Variants in RAB8B observed in about 807,000 individuals in gnomAD.
RAB8B encodes ras-related protein Rab-8B.
Under a neutral mutation model 32.0 loss-of-function variants are expected in RAB8B, and 11 were observed. That is an observed-to-expected ratio of 0.34 (90% CI 0.22 to 0.57). RAB8B has a LOEUF of 0.57. Among genes scored for constraint, RAB8B ranks in the 20% least tolerant of loss-of-function variants. RAB8B has a pLI of 0.86. For missense variants in RAB8B, 190 were observed against 258.5 expected (o/e 0.73, Z 1.82); for synonymous variants, 103 against 89.6 (o/e 1.15, Z -0.85).
rs1277149749 is a variant in RAB8B at position 63,263,680 on chromosome 15, A to G, written c.*61A>G. On this transcript the variant is annotated 3_prime_UTR_variant, in exon 8 of 8. Transcript: ENST00000321437. ...GGCCCTTTCCTGCTTCTCTGAAAGC[A>G]CAGGTCACCCAGCCTCAGAATCACA... is the stretch of plus-strand genomic sequence containing the variant. The G allele has an allele frequency of 7.3e-7, 1 of 1,363,508 alleles. No individual in the cohort carries two copies. The highest frequency in any genetic ancestry group is 1.4e-5 in the African/African-American group (1 of 69,574). 84.5% of individuals were successfully genotyped at this position (1,363,508 alleles called of 1,614,324 possible).
intron 1 of RAB8B, among the ~76,000 whole-genome samples, chr15:63,212,137 A>T (rs970492225): frequency 6.6e-6 from 1 of 152,142 alleles, no homozygotes; most frequent in Non-Finnish European, 1.5e-5. Flanking sequence ...CTGGCCTAAA[A>T]GCCCCATCTT....
intron 1 of RAB8B, among the ~76,000 whole-genome samples, chr15:63,234,344 A>G (rs1212252276): frequency 6.6e-6 from 1 of 152,206 alleles, no homozygotes; most frequent in Non-Finnish European, 1.5e-5. Context: ...ATTCTCTTGA[A>G]ACAGAAAAGA....
Position 63,259,549 on chromosome 15 carries a change from G to T in RAB8B, c.415-78G>T. The T allele has an allele frequency of 7.5e-7, 1 of 1,339,180 alleles. No individual in the cohort carries two copies. Among genetic ancestry groups the T allele is most frequent in the South Asian group, 1.2e-5 (1 of 80,774 alleles). 83.0% of individuals were successfully genotyped at this position (1,339,180 alleles called of 1,614,324 possible). A position where few individuals can be genotyped will look rare whatever the true frequency, so the allele number is the denominator to read the frequency against. ...ATAGATACCCTACCTTTGAGACTTT[G>T]AAAAACCTAAGAAATACAAATGCAT... On this transcript the variant is annotated intron_variant, in intron 5 of 7. Coordinates refer to ENST00000321437, the MANE Select transcript of RAB8B (RefSeq NM_016530.3). The surrounding 1 kb of genome is among the most constrained non-coding windows in gnomAD (Gnocchi z 4.4).
At chr15:63,229,157 A>G (rs1162954309) in intron 1 of RAB8B, among the ~76,000 whole-genome samples, 2 of 152,230 alleles carry the variant, frequency 1.3e-5, no homozygotes, top group African/African-American at 2.4e-5. Context: ...ATAAGACACA[A>G]AGCCTTCAGT....
intron 1 of RAB8B, among the ~76,000 whole-genome samples, chr15:63,209,547 C>T (rs1477936678): frequency 6.6e-6 from 1 of 151,972 alleles, no homozygotes; most frequent in Non-Finnish European, 1.5e-5. Flanking sequence ...GCCGAGATCA[C>T]ACCACTGCAC....
chr15:63,193,039 A>G (rs1249773507), intron 1 of RAB8B, among the ~76,000 whole-genome samples: 2 of 152,156 alleles, frequency 1.3e-5, no homozygotes, highest in Non-Finnish European at 1.5e-5. Flanking sequence ...TCTGGGCAAC[A>G]TAGCAAGACC....
At chr15:63,250,254 T>G (rs1249848743) in intron 3 of RAB8B, among the ~76,000 whole-genome samples, 1 of 152,246 alleles carries the variant, frequency 6.6e-6, no homozygotes, top group African/African-American at 2.4e-5. Context: ...CCACACATTC[T>G]GATGTGATTG....
intron 3 of RAB8B, 71 bp downstream of exon 3, chr15:63,249,776 T>C: frequency 1.4e-6 from 2 of 1,470,076 alleles, no homozygotes; most frequent in South Asian, 1.2e-5. Flanking sequence ...GCCAAGATTA[T>C]AGGATTCAAG....
intron 1 of RAB8B, among the ~76,000 whole-genome samples, chr15:63,208,163 C>T (rs1039016957): frequency 6.6e-6 from 1 of 152,180 alleles, no homozygotes; most frequent in Admixed American, 6.5e-5. Flanking sequence ...ATTCCAAACT[C>T]CCTACAGTGT....
At chr15:63,218,076 ATG>A (rs1306449224) in intron 1 of RAB8B, among the ~76,000 whole-genome samples, 2 of 151,768 alleles carry the variant, frequency 1.3e-5, no homozygotes, top group Admixed American at 1.3e-4. Flanking sequence ...TGCTCCATGT[ATG>A]TTGTACATGT....
At chr15:63,199,461 C>G (rs976869828) in intron 1 of RAB8B, among the ~76,000 whole-genome samples, 9 of 152,142 alleles carry the variant, frequency 5.9e-5, no homozygotes, top group African/African-American at 2.2e-4. Flanking sequence ...GTTGCATTCC[C>G]TATTTTGTCT....
chr15:63,216,381 A>T (rs1197857639), intron 1 of RAB8B, among the ~76,000 whole-genome samples: 1 of 151,252 alleles, frequency 6.6e-6, no homozygotes, highest in Non-Finnish European at 1.5e-5. Context: ...GGCGCACACC[A>T]TAACACCCGG....
At chr15:63,224,466 A>T (rs1350984040) in intron 1 of RAB8B, among the ~76,000 whole-genome samples, 1 of 152,146 alleles carries the variant, frequency 6.6e-6, no homozygotes, top group Non-Finnish European at 1.5e-5. Flanking sequence ...GATGGATTTC[A>T]ATCATATGAG....
chr15:63,242,995 G>A (rs748312437), intron 1 of RAB8B, among the ~76,000 whole-genome samples: 10 of 152,152 alleles, frequency 6.6e-5, no homozygotes, highest in South Asian at 2.1e-4. Context: ...TAGAATCAGC[G>A]GGAGCTGTGA....
At chr15:63,206,031 A>G (rs2037695323) in intron 1 of RAB8B, among the ~76,000 whole-genome samples, 1 of 152,198 alleles carries the variant, frequency 6.6e-6, no homozygotes, top group Non-Finnish European at 1.5e-5. Flanking sequence ...GGCACACAGT[A>G]TCTGTTTGTG....
chr15:63,204,532 A>G (rs1287811823), intron 1 of RAB8B, among the ~76,000 whole-genome samples: 1 of 152,220 alleles, frequency 6.6e-6, no homozygotes, highest in Non-Finnish European at 1.5e-5. Flanking sequence ...AGGGCCCTGA[A>G]TTTTAAGTAC....
At position 63,216,575 on chromosome 15, in the gene RAB8B, A is replaced by T. The variant is rs552421078; in HGVS notation, c.124+26827A>T. The stretch of plus-strand genomic sequence containing the variant: ...CAGTACCACTGATTTAAAAGTTCTG[A>T]CTTGTGGCTTGTCTCGGTGGCTCAC... On this transcript the variant is annotated intron_variant, in intron 1 of 7. Coordinates refer to ENST00000321437, the MANE Select transcript of RAB8B (RefSeq NM_016530.3). Among the ~76,000 whole-genome samples the T allele has an allele frequency of 7.2e-4, 108 of 149,232 alleles. 1 individual carries two copies. Among genetic ancestry groups the T allele is most frequent in the Middle Eastern group, 6.8e-3 (2 of 294 alleles).
chr15:63,244,061 TCTTAGTA>T (rs1177167531), intron 1 of RAB8B, among the ~76,000 whole-genome samples: 1 of 152,220 alleles, frequency 6.6e-6, no homozygotes, highest in Non-Finnish European at 1.5e-5. Flanking sequence ...AGGTCCCACC[TCTTAGTA>T]CTTAGTATCT....
At chr15:63,203,382 T>C (rs561106755) in intron 1 of RAB8B, among the ~76,000 whole-genome samples, 1 of 152,388 alleles carries the variant, frequency 6.6e-6, no homozygotes, top group South Asian at 2.1e-4. Context: ...TCAGTCATTT[T>C]CTTTATTATA....
Sources: allele counts gnomAD v4.1 joint callset (sites outside exome capture counted in the v4.1 genomes callset), GRCh38; gene constraint gnomAD v4.1.1; non-coding constraint Gnocchi (gnomAD v3.1); transcripts MANE v1.5; gene names NCBI Gene and HGNC (gene_info 2026-07-23, HGNC 2026-07-21).